LINGO2: variants seen among roughly 807,000 people sequenced by gnomAD.
LINGO2 encodes the protein leucine rich repeat and Ig domain containing 2, also known as leucine-rich repeat and immunoglobulin-like domain-containing nogo receptor-interacting protein 2.
In LINGO2, 14 loss-of-function variants were observed where a neutral mutation model predicts 30.6. That is an observed-to-expected ratio of 0.46 (90% CI 0.30 to 0.72). LINGO2 has a LOEUF of 0.72. Among genes scored for constraint, LINGO2 ranks in the 30% least tolerant of loss-of-function variants. The probability of loss-of-function intolerance (pLI) is 0.07; values close to 1 mark genes in which losing one functional copy is unlikely to be tolerated. For missense variants in LINGO2, 729 were observed against 751.7 expected (o/e 0.97, Z 0.35); for synonymous variants, 317 against 288.5 (o/e 1.10, Z -1.00).
intron 4 of LINGO2, among the ~76,000 whole-genome samples, chr9:28,053,417 A>G (rs140855105): frequency 1.3e-5 from 2 of 152,160 alleles, no homozygotes; most frequent in African/African-American, 4.8e-5. Context: ...ACACAAACAC[A>G]TTTTCTAAAG....
intron 4 of LINGO2, among the ~76,000 whole-genome samples, chr9:28,160,863 C>T (rs1828266976): frequency 6.6e-6 from 1 of 152,138 alleles, no homozygotes; most frequent in South Asian, 2.1e-4. Context: ...CTCCATATCT[C>T]AATTTCTTAG....
chr9:28,250,018 C>T (rs1256597095), intron 4 of LINGO2, among the ~76,000 whole-genome samples: 1 of 152,018 alleles, frequency 6.6e-6, no homozygotes, highest in Non-Finnish European at 1.5e-5. Flanking sequence ...CATTCTCAGA[C>T]ATGAAAAACC....
chr9:28,507,431 T>C (rs985309670), intron 1 of LINGO2, among the ~76,000 whole-genome samples: 2 of 152,096 alleles, frequency 1.3e-5, no homozygotes, highest in Non-Finnish European at 2.9e-5. Context: ...GTGGTTTCTC[T>C]CTTGAACTCC....
the LINGO2 span, among the ~76,000 whole-genome samples, chr9:29,091,087 C>T: frequency 2.0e-5 from 3 of 151,922 alleles, no homozygotes; most frequent in African/African-American, 7.2e-5. Flanking sequence ...TTCTATTTGT[C>T]CAGCCTTCTT....
At position 28,319,511 on chromosome 9, in the gene LINGO2, G is replaced by GC. The variant is rs369274140; in HGVS notation, c.-245-24146_-245-24145insG. Among the ~76,000 whole-genome samples, 8 of 109,532 alleles carry GC rather than the reference G, an allele frequency of 7.3e-5. No individual in the cohort carries two copies. In the East Asian group the frequency reaches 2.4e-3, roughly 33 times the overall value. 71.9% of individuals were successfully genotyped at this position (109,532 alleles called of 152,430 possible). Reference sequence around the variant, plus strand: ...TCAGGGATTAGGGTGTGAACATCTTGGGGGGCTGTTATTATTCTTCCTACC... The same window carrying GC: ...TCAGGGATTAGGGTGTGAACATCTTGCGGGGGCTGTTATTATTCTTCCTACC... On this transcript the variant is annotated intron_variant, in intron 3 of 5. Transcript: ENST00000379992.
chr9:28,419,591 A>C (rs992845376), intron 2 of LINGO2, among the ~76,000 whole-genome samples: 6 of 133,020 alleles, frequency 4.5e-5, no homozygotes, highest in Non-Finnish European at 7.8e-5. Flanking sequence ...AAAGAAACAA[A>C]TGTGGAGATA....
At chr9:28,922,067 T>C in the LINGO2 span, among the ~76,000 whole-genome samples, 3 of 152,136 alleles carry the variant, frequency 2.0e-5, no homozygotes, top group Non-Finnish European at 4.4e-5. Context: ...ATTAGACTAT[T>C]GCACTGTATC....
chr9:28,715,984 T>C, the LINGO2 span, among the ~76,000 whole-genome samples: 1 of 151,946 alleles, frequency 6.6e-6, no homozygotes, highest in Non-Finnish European at 1.5e-5. Context: ...ACAAAAATAA[T>C]AGTGACAATA....
chr9:28,512,323 G>T (rs1343592116), intron 1 of LINGO2, among the ~76,000 whole-genome samples: 1 of 151,846 alleles, frequency 6.6e-6, no homozygotes, highest in Non-Finnish European at 1.5e-5. Flanking sequence ...GTTATCTGCA[G>T]AAGATGACAG....
intron 1 of LINGO2, among the ~76,000 whole-genome samples, chr9:28,641,095 G>A (rs911384729): frequency 2.6e-5 from 4 of 151,950 alleles, no homozygotes; most frequent in Admixed American, 6.6e-5. Context: ...GTGCAGTGGC[G>A]CAATCTCGGC....
chr9:28,683,814 G>A, the LINGO2 span, among the ~76,000 whole-genome samples: 1 of 152,188 alleles, frequency 6.6e-6, no homozygotes, highest in Non-Finnish European at 1.5e-5. Flanking sequence ...TGTAGAGACA[G>A]CATAGGAGAA....
chr9:28,771,157 A>G, the LINGO2 span, among the ~76,000 whole-genome samples: 1 of 152,154 alleles, frequency 6.6e-6, no homozygotes. Flanking sequence ...CAACTCCTGT[A>G]ATCAGCTTAT....
chr9:28,441,774 T>G (rs1331434586), intron 2 of LINGO2, among the ~76,000 whole-genome samples: 1 of 152,206 alleles, frequency 6.6e-6, no homozygotes, highest in Non-Finnish European at 1.5e-5. Flanking sequence ...TAGTCAATTA[T>G]TCTTCCTTGC....
intron 2 of LINGO2, among the ~76,000 whole-genome samples, chr9:28,464,281 G>T (rs1004667350): frequency 6.6e-6 from 1 of 152,102 alleles, no homozygotes; most frequent in African/African-American, 2.4e-5. Flanking sequence ...CTGTTTATCT[G>T]CCAAGAAAGT....
At chr9:28,023,056 G>C (rs1175325201) in intron 4 of LINGO2, among the ~76,000 whole-genome samples, 1 of 151,882 alleles carries the variant, frequency 6.6e-6, no homozygotes, top group Non-Finnish European at 1.5e-5. Context: ...TATTAATCAT[G>C]TGTTATTGTG....
chr9:28,059,197 A>C (rs950866897), intron 4 of LINGO2, among the ~76,000 whole-genome samples: 2 of 152,074 alleles, frequency 1.3e-5, no homozygotes, highest in African/African-American at 2.4e-5. Context: ...AAATAGCAGA[A>C]CATGTTCCTT....
At chr9:28,567,564 A>G (rs1823446162) in intron 1 of LINGO2, among the ~76,000 whole-genome samples, 2 of 152,080 alleles carry the variant, frequency 1.3e-5, no homozygotes, top group South Asian at 4.1e-4. Context: ...CAAATATTAC[A>G]TGCTCTTACT....
intron 4 of LINGO2, among the ~76,000 whole-genome samples, chr9:28,277,164 T>C (rs550162842): frequency 2.6e-5 from 4 of 152,370 alleles, no homozygotes; most frequent in Admixed American, 2.6e-4. Flanking sequence ...CAGTATGCCC[T>C]TGCATTGTGT....
intron 1 of LINGO2, among the ~76,000 whole-genome samples, chr9:28,529,109 T>C (rs1828381359): frequency 1.3e-5 from 2 of 152,140 alleles, no homozygotes; most frequent in Admixed American, 1.3e-4. Flanking sequence ...GTTGAGTCTA[T>C]CTGCTACCCA....
Sources: allele counts gnomAD v4.1 joint callset (sites outside exome capture counted in the v4.1 genomes callset), GRCh38; gene constraint gnomAD v4.1.1; transcripts MANE v1.5; gene names NCBI Gene and HGNC (gene_info 2026-07-23, HGNC 2026-07-21).